Variants in MTMR9 observed in about 807,000 individuals in gnomAD.
The protein encoded by MTMR9 is myotubularin-related protein 9.
Under a neutral mutation model 69.5 loss-of-function variants are expected in MTMR9, and 39 were observed. The ratio of observed to expected loss-of-function variants is 0.56; its 90% CI spans 0.43 to 0.73. The LOEUF (loss-of-function observed/expected upper bound fraction) is 0.73, where lower values mean the gene tolerates loss of function less well. MTMR9 is among the 30% of genes least tolerant of loss of function. The pLI, the probability that MTMR9 is intolerant of heterozygous loss-of-function variation, is 0.00. For missense variants in MTMR9, 900 were observed against 671.2 expected, an observed-to-expected ratio of 1.34 and a Z score of -3.77; for synonymous variants, 354 against 240.8, an observed-to-expected ratio of 1.47 and a Z score of -4.35.
chr8:11,304,009 C>T (rs1469037863), intron 3 of MTMR9, among the ~76,000 whole-genome samples: 2 of 151,952 alleles, frequency 1.3e-5, no homozygotes, highest in Non-Finnish European at 2.9e-5. Flanking sequence ...CATGGTTAGG[C>T]CAACTCAGAT....
chr8:11,319,979 G>T, intron 9 of MTMR9, 141 bp downstream of exon 9: 1 of 727,968 alleles, frequency 1.4e-6, no homozygotes, highest in Non-Finnish European at 2.1e-6. Context: ...CTCAGTGTGG[G>T]CATGTTTTTC....
chr8:11,294,067 C>G (rs975735176), intron 1 of MTMR9, among the ~76,000 whole-genome samples: 1 of 152,140 alleles, frequency 6.6e-6, no homozygotes, highest in Admixed American at 6.5e-5. Flanking sequence ...TTTTCAGTTT[C>G]TACATTAAAG....
the MTMR9 span, among the ~76,000 whole-genome samples, chr8:11,337,931 T>A: frequency 6.6e-6 from 1 of 152,350 alleles, no homozygotes; most frequent in Non-Finnish European, 1.5e-5. Flanking sequence ...TGACAATGAA[T>A]ATAAATAGAA....
At chr8:11,289,664 A>G (rs577557818) in intron 1 of MTMR9, among the ~76,000 whole-genome samples, 6 of 152,288 alleles carry the variant, frequency 3.9e-5, no homozygotes, top group Non-Finnish European at 5.9e-5. Flanking sequence ...AGTTGTTGCT[A>G]TAAAATAGAT....
Position 11,287,927 on chromosome 8 carries a change from TATA to T in MTMR9, c.182+2861_182+2863del, listed in dbSNP as rs1563262962. 1.1e-4 allele frequency among the ~76,000 whole-genome samples: 14 copies of T among 128,700 alleles called. No homozygotes were observed. In the South Asian group the frequency reaches 2.0e-3, roughly 18 times the overall value. 84.4% of individuals were successfully genotyped at this position (128,700 alleles called of 152,430 possible). The stretch of plus-strand genomic sequence containing the variant: ...ATAACATAATATGTATTATATATTA[TATA>T]ATATGTGTTATATATCATACGTATT... On this transcript the variant is annotated intron_variant, in intron 1 of 9. Transcript: ENST00000221086.
chr8:11,309,757 A>T, intron 6 of MTMR9, 69 bp downstream of exon 6: 1 of 1,532,200 alleles, frequency 6.5e-7, no homozygotes, highest in Middle Eastern at 1.7e-4. Context: ...TTATCCAGAC[A>T]TATGTTTATA....
At chr8:11,298,649 T>C (rs1279514955) in intron 2 of MTMR9, 2 of 619,804 alleles carry the variant, frequency 3.2e-6, no homozygotes, top group African/African-American at 4.0e-5. Context: ...TCTCCTCCTG[T>C]CCAGGTGAAT....
Position 11,322,757 on chromosome 8 carries a change from A to C in MTMR9, c.1619A>C (p.Glu540Ala), listed in dbSNP as rs758985229. 5 of 1,613,926 alleles carry C rather than the reference A, an allele frequency of 3.1e-6. No homozygotes were observed. Among genetic ancestry groups the C allele is most frequent in the Non-Finnish European group, 4.2e-6 (5 of 1,179,968 alleles). The stretch of plus-strand genomic sequence containing the variant: ...CTTCGAAGGCAGTTGGCAGAACTGG[A>C]AACAGAGGACGGGATGCAGGAGAGT... ...NILRRQLAEL[E>A]TEDGMQESP Residue 540 changes from glutamate (E) to alanine (A), a missense_variant, in exon 10 of 10, where the codon GAA becomes GCA. Transcript: ENST00000221086.
chr8:11,300,115 T>C lies in MTMR9; in HGVS notation c.384T>C (p.Leu128=), dbSNP rs1368364618. ...EVIEDGWHSF[L]PEQEFELYSS... ...TAGAAGATGGCTGGCATTCCTTCCT[T>C]CCTGAGCAAGAATTTGAACTCTATT... Residue 128 remains leucine, a synonymous_variant, in exon 3 of 10, where the codon CTT becomes CTC. Coordinates refer to ENST00000221086, the MANE Select transcript of MTMR9 (RefSeq NM_015458.4). The C allele has an allele frequency of 6.2e-7, 1 of 1,613,556 alleles. No individual in the cohort carries two copies. The highest frequency in any genetic ancestry group is 1.7e-5 in the Admixed American group (1 of 60,002).
At chr8:11,287,585 C>T (rs756368381) in intron 1 of MTMR9, among the ~76,000 whole-genome samples, 3 of 150,504 alleles carry the variant, frequency 2.0e-5, no homozygotes, top group Non-Finnish European at 2.9e-5. Context: ...TGTGCGGCTG[C>T]AGTGGTGACT....
At chr8:11,288,084 A>G (rs1799246078) in intron 1 of MTMR9, among the ~76,000 whole-genome samples, 1 of 130,550 alleles carries the variant, frequency 7.7e-6, no homozygotes, top group Non-Finnish European at 1.6e-5. Context: ...TCACCTATAT[A>G]ATATATATAA....
At chr8:11,287,106 C>G (rs1259355874) in intron 1 of MTMR9, among the ~76,000 whole-genome samples, 1 of 152,190 alleles carries the variant, frequency 6.6e-6, no homozygotes, top group Admixed American at 6.5e-5. Context: ...TCGACCGCTA[C>G]CTCCTTCACA....
chr8:11,333,677 T>G, the MTMR9 span, among the ~76,000 whole-genome samples: 2 of 152,064 alleles, frequency 1.3e-5, no homozygotes, highest in African/African-American at 4.8e-5. Context: ...GACAAAAACA[T>G]AAAAAAGCAA....
Position 11,305,031 on chromosome 8 carries a change from A to G in MTMR9, c.591+17A>G, listed in dbSNP as rs766544637. The stretch of plus-strand genomic sequence containing the variant: ...AATGGGATGGTAAGTGCACAGCACT[A>G]CTGCTTGATGTACTGAAAGGCTTGG... On this transcript the variant is annotated intron_variant, in intron 4 of 9. Transcript: ENST00000221086. 4 of 1,610,062 alleles carry G rather than the reference A, an allele frequency of 2.5e-6. No individual in the cohort carries two copies. In the African/African-American group the frequency reaches 4.0e-5, roughly 16 times the overall value.
chr8:11,319,917 G>C, intron 9 of MTMR9, 79 bp downstream of exon 9: 1 of 1,456,198 alleles, frequency 6.9e-7, no homozygotes, highest in Non-Finnish European at 9.4e-7. Context: ...TGTTGGTGAT[G>C]TATGAAGATG....
At chr8:11,305,192 G>A (rs1008010322) in intron 4 of MTMR9, among the ~76,000 whole-genome samples, 178 bp downstream of exon 4, 15 of 152,112 alleles carry the variant, frequency 9.9e-5, no homozygotes, top group African/African-American at 3.1e-4. Context: ...CTGTGGTGAG[G>A]ATGTGATGCT....
At chr8:11,288,253 A>G (rs992495221) in intron 1 of MTMR9, among the ~76,000 whole-genome samples, 2 of 132,230 alleles carry the variant, frequency 1.5e-5, no homozygotes, top group Admixed American at 7.9e-5. Context: ...TAATTATATT[A>G]TAATAATTAT....
intron 2 of MTMR9, chr8:11,297,979 G>C: frequency 2.2e-6 from 1 of 456,100 alleles, no homozygotes; most frequent in Non-Finnish European, 4.4e-6. Context: ...TTTTCATATA[G>C]CATAGCTGAG....
At position 11,309,828 on chromosome 8, in the gene MTMR9, A is replaced by T. The variant is rs967798976; in HGVS notation, c.971+140A>T. 8.5e-6 allele frequency: 7 copies of T among 824,932 alleles called. No homozygotes were observed. In the South Asian group the frequency reaches 1.2e-4, roughly 15 times the overall value. 51.1% of individuals were successfully genotyped at this position (824,932 alleles called of 1,614,324 possible). A position where few individuals can be genotyped will look rare whatever the true frequency, so the allele number is the denominator to read the frequency against. On this transcript the variant is annotated intron_variant, in intron 6 of 9. Coordinates refer to ENST00000221086, the MANE Select transcript of MTMR9 (RefSeq NM_015458.4). ...GCTAGTCAACACCATCCCATTATTG[A>T]TGAGGTGTGTGCCTAGAGTCTGGCA...
Sources: gnomAD v4.1 joint callset for allele counts (sites outside exome capture counted in the v4.1 genomes callset) on GRCh38, gnomAD v4.1.1 for gene constraint, MANE v1.5 for transcripts, NCBI Gene and HGNC (gene_info 2026-07-23, HGNC 2026-07-21) for gene names.